FTCDNL1: variants seen among roughly 807,000 people sequenced by gnomAD.
FTCDNL1 encodes formiminotransferase cyclodeaminase N-terminal like, also known as formiminotransferase N-terminal subdomain-containing protein.
Under a neutral mutation model 5.9 loss-of-function variants are expected in FTCDNL1, and 11 were observed. That is an observed-to-expected ratio of 1.87 (90% CI 1.18 to 3.10). FTCDNL1 has a LOEUF of 3.10. FTCDNL1 is among the 30% of genes most tolerant of loss of function. The pLI is 0.00. For missense variants in FTCDNL1, 115 were observed against 65.5 expected (o/e 1.76, Z -2.61); for synonymous variants, 58 against 24.8 (o/e 2.34, Z -3.99).
At chr2:199,849,892 G>A (rs1299661592) in intron 1 of FTCDNL1, among the ~76,000 whole-genome samples, 3 of 152,174 alleles carry the variant, frequency 2.0e-5, no homozygotes, top group African/African-American at 4.8e-5. Context: ...TTTAATGAGG[G>A]TCTTTTTCTG....
intron 3 of FTCDNL1, among the ~76,000 whole-genome samples, chr2:199,781,949 C>T (rs1006854547): frequency 7.2e-5 from 11 of 151,842 alleles, no homozygotes; most frequent in African/African-American, 2.7e-4. Flanking sequence ...CTGGCTAATT[C>T]CTTTTTTGTA....
the FTCDNL1 span, among the ~76,000 whole-genome samples, chr2:199,684,455 A>G: frequency 6.6e-6 from 1 of 152,204 alleles, no homozygotes; most frequent in Non-Finnish European, 1.5e-5. Flanking sequence ...AAGTATGTAA[A>G]TAAATTATAC....
the FTCDNL1 span, among the ~76,000 whole-genome samples, chr2:199,703,655 G>T: frequency 6.6e-6 from 1 of 152,088 alleles, no homozygotes; most frequent in South Asian, 2.1e-4. Flanking sequence ...TGCCTACAGG[G>T]TACTATGCTC....
the FTCDNL1 span, among the ~76,000 whole-genome samples, chr2:199,692,681 T>C: frequency 6.6e-6 from 1 of 152,196 alleles, no homozygotes; most frequent in Non-Finnish European, 1.5e-5. Context: ...AGATCAGTCC[T>C]GGCAGGCACC....
Position 199,760,913 on chromosome 2 carries a change from C to T in FTCDNL1, c.212-78G>A, listed in dbSNP as rs1461491294. The T allele has an allele frequency of 1.9e-5, 13 of 697,674 alleles. 1 individual carries two copies. Among genetic ancestry groups the T allele is most frequent in the African/African-American group, 7.0e-5 (4 of 57,184 alleles). The allele number at this position is 697,674 out of a possible 1,614,324, so 43.2% of individuals were successfully genotyped here. On this transcript the variant is annotated intron_variant, in intron 3 of 3. Coordinates refer to the FTCDNL1 transcript ENST00000416668. ...GCCTTACCCCTCTCCACTCAACCCC[C>T]ATTCCTTTCCTTGCTTCACTGTCTG...
chr2:199,675,331 A>G, the FTCDNL1 span, among the ~76,000 whole-genome samples: 1 of 152,272 alleles, frequency 6.6e-6, no homozygotes, highest in South Asian at 2.1e-4. Flanking sequence ...GTGTTCAATA[A>G]AGGTTGGAAT....
the FTCDNL1 span, among the ~76,000 whole-genome samples, chr2:199,717,702 C>T: frequency 2.6e-5 from 4 of 151,708 alleles, no homozygotes; most frequent in Admixed American, 6.6e-5. Context: ...TGGCTCCTTC[C>T]TATGAGACAA....
Position 199,786,130 on chromosome 2 carries a change from AC to A in FTCDNL1, c.212-25296del, listed in dbSNP as rs1333790051. 5.3e-5 allele frequency among the ~76,000 whole-genome samples: 8 copies of A among 152,036 alleles called. No individual in the cohort carries two copies. The East Asian group carries it at 1.2e-3, about 22-fold the overall frequency. ...CGGCCCAGTTCCTAACAGGCCACAGACCAGTACCTGTCTGTGGCCTGGCAAT... is the reference window on the plus strand; with the variant it reads ...CGGCCCAGTTCCTAACAGGCCACAGACAGTACCTGTCTGTGGCCTGGCAAT... On this transcript the variant is annotated intron_variant, in intron 3 of 3. Coordinates refer to the FTCDNL1 transcript ENST00000416668.
At chr2:199,790,819 G>A (rs1699888405) in intron 3 of FTCDNL1, among the ~76,000 whole-genome samples, 1 of 152,034 alleles carries the variant, frequency 6.6e-6, no homozygotes, top group East Asian at 1.9e-4. Flanking sequence ...GCAGACACAT[G>A]GGATAAAGAT....
the FTCDNL1 span, among the ~76,000 whole-genome samples, chr2:199,726,639 T>C: frequency 6.6e-6 from 1 of 152,224 alleles, no homozygotes; most frequent in Admixed American, 6.5e-5. Context: ...TTTGTTTTTC[T>C]TTTAAAAGTC....
chr2:199,786,824 C>T (rs771975363), intron 3 of FTCDNL1, among the ~76,000 whole-genome samples: 6 of 152,198 alleles, frequency 3.9e-5, no homozygotes, highest in African/African-American at 1.2e-4. Flanking sequence ...CCTGGAACCA[C>T]ACAAATTTGT....
intron 3 of FTCDNL1, among the ~76,000 whole-genome samples, chr2:199,784,894 A>G (rs1699556216): frequency 6.6e-6 from 1 of 152,214 alleles, no homozygotes; most frequent in Non-Finnish European, 1.5e-5. Context: ...AGACTCCATC[A>G]AAGTGGGATT....
the FTCDNL1 span, among the ~76,000 whole-genome samples, chr2:199,702,417 CT>C: frequency 6.6e-6 from 1 of 152,134 alleles, no homozygotes; most frequent in African/African-American, 2.4e-5. Flanking sequence ...CTCTTGCGAC[CT>C]TTGTAGGAAT....
chr2:199,842,330 C>G (rs1030937253), intron 3 of FTCDNL1, among the ~76,000 whole-genome samples: 2 of 152,118 alleles, frequency 1.3e-5, no homozygotes, highest in African/African-American at 4.8e-5. Context: ...AGACTCATTT[C>G]ATAACATTCC....
chr2:199,763,841 A>T (rs1391683306), intron 3 of FTCDNL1, among the ~76,000 whole-genome samples: 1 of 152,000 alleles, frequency 6.6e-6, no homozygotes, highest in Non-Finnish European at 1.5e-5. Context: ...TTTATTTTTT[A>T]TTTTTATTTT....
the FTCDNL1 span, among the ~76,000 whole-genome samples, chr2:199,748,703 T>A: frequency 6.6e-6 from 1 of 152,222 alleles, no homozygotes; most frequent in Non-Finnish European, 1.5e-5. Context: ...AATCCTTCCA[T>A]GACTTCCATT....
intron 3 of FTCDNL1, among the ~76,000 whole-genome samples, chr2:199,793,057 T>C (rs1700007094): frequency 6.6e-6 from 1 of 152,116 alleles, no homozygotes; most frequent in African/African-American, 2.4e-5. Context: ...AGTGGTGAAA[T>C]GAGTCTCTCT....
At chr2:199,704,315 A>G in the FTCDNL1 span, among the ~76,000 whole-genome samples, 6 of 152,310 alleles carry the variant, frequency 3.9e-5, no homozygotes, top group East Asian at 1.2e-3. Context: ...GTAAGTTAAA[A>G]AGACAAAAAC....
chr2:199,774,336 C>T (rs1698957004), intron 3 of FTCDNL1, among the ~76,000 whole-genome samples: 1 of 152,302 alleles, frequency 6.6e-6, no homozygotes. Context: ...AGGATCCAGT[C>T]CCATATGGAT....
Sources: allele counts gnomAD v4.1 joint callset (sites outside exome capture counted in the v4.1 genomes callset), GRCh38; gene constraint gnomAD v4.1.1; transcripts MANE v1.5; gene names NCBI Gene and HGNC (gene_info 2026-07-23, HGNC 2026-07-21).